Variants in MTREX observed in about 807,000 individuals in gnomAD.
The protein encoded by MTREX is Mtr4 exosome RNA helicase, also known as exosome RNA helicase MTR4.
MTREX carries 76 observed loss-of-function variants against 135.4 expected under a neutral mutation model. The ratio of observed to expected loss-of-function variants is 0.56; its 90% CI spans 0.47 to 0.68. The LOEUF (loss-of-function observed/expected upper bound fraction) is 0.68, where lower values mean the gene tolerates loss of function less well. MTREX is among the 30% of genes least tolerant of loss of function. The probability of loss-of-function intolerance (pLI) is 0.00; values close to 1 mark genes in which losing one functional copy is unlikely to be tolerated. For missense variants in MTREX, 920 were observed against 1,262.1 expected (o/e 0.73, Z 4.11); for synonymous variants, 404 against 401.6 (o/e 1.01, Z -0.07).
intron 5 of MTREX, among the ~76,000 whole-genome samples, chr5:55,335,053 A>G (rs1279787253): frequency 6.6e-6 from 1 of 151,964 alleles, no homozygotes; most frequent in East Asian, 1.9e-4. Flanking sequence ...GATGTCCCAA[A>G]GTAGTTTTAA....
intron 20 of MTREX, among the ~76,000 whole-genome samples, chr5:55,397,960 C>G (rs1459579925): frequency 6.6e-6 from 1 of 152,078 alleles, no homozygotes; most frequent in African/African-American, 2.4e-5. Context: ...GTGGTTCATG[C>G]CTGTAATCCC....
At chr5:55,315,534 GAGAC>G (rs1173733515) in intron 1 of MTREX, among the ~76,000 whole-genome samples, 2 of 151,538 alleles carry the variant, frequency 1.3e-5, no homozygotes, top group Non-Finnish European at 2.9e-5. Context: ...TATATTTTTC[GAGAC>G]AGACAACAAC....
rs536852488 is a variant in MTREX, at chr5:55,388,803, G to C, written c.2181+701G>C. Among the ~76,000 whole-genome samples the C allele has an allele frequency of 3.9e-5, 6 of 152,226 alleles. No homozygotes were observed. The South Asian group carries it at 6.2e-4, about 16-fold the overall frequency. ...TTAACAATGAAAAATTTCTACCCAAGTTTCCTTAGTTAAAATCATTTAATT... is the reference window on the plus strand; with the variant it reads ...TTAACAATGAAAAATTTCTACCCAACTTTCCTTAGTTAAAATCATTTAATT... On this transcript the variant is annotated intron_variant, in intron 19 of 26. Coordinates refer to ENST00000230640, the MANE Select transcript of MTREX (RefSeq NM_015360.5).
chr5:55,414,284 G>A (rs761349077), intron 24 of MTREX, 46 bp downstream of exon 24: 1 of 1,322,310 alleles, frequency 7.6e-7, no homozygotes, highest in Non-Finnish European at 1.0e-6. Context: ...TTTATGAATA[G>A]TAGATTGTAA....
At chr5:55,316,795 A>AAAAG (rs369253625) in intron 1 of MTREX, among the ~76,000 whole-genome samples, 3 of 152,082 alleles carry the variant, frequency 2.0e-5, no homozygotes, top group Admixed American at 6.5e-5. Flanking sequence ...GCAGTTAGGC[A>AAAAG]AAAGAAAGAA....
intron 10 of MTREX, among the ~76,000 whole-genome samples, chr5:55,346,314 A>G (rs991298089): frequency 2.0e-4 from 31 of 152,128 alleles, no homozygotes; most frequent in African/African-American, 7.5e-4. Context: ...CATTTTCTCT[A>G]TATCCTTTGT....
intron 1 of MTREX, among the ~76,000 whole-genome samples, chr5:55,320,643 G>T (rs571210977): frequency 4.3e-4 from 54 of 126,834 alleles, no homozygotes; most frequent in African/African-American, 1.8e-3. Flanking sequence ...ACCCCTCTGT[G>T]TCCCTTAGAA....
At chr5:55,349,481 G>A (rs190025912) in intron 11 of MTREX, 92 bp from the exon 12 acceptor site, 93 of 750,154 alleles carry the variant, frequency 1.2e-4, no homozygotes, top group South Asian at 1.1e-3. Context: ...GGGACACCAC[G>A]CCTGGCCTTT....
intron 1 of MTREX, among the ~76,000 whole-genome samples, chr5:55,312,981 G>A (rs1749138394): frequency 6.6e-6 from 1 of 152,246 alleles, no homozygotes; most frequent in South Asian, 2.1e-4. Context: ...AATGCTACTG[G>A]ATTTCATTGC....
intron 1 of MTREX, among the ~76,000 whole-genome samples, chr5:55,316,840 A>G (rs912929044): frequency 6.6e-6 from 1 of 152,206 alleles, no homozygotes; most frequent in East Asian, 1.9e-4. Flanking sequence ...GAGGAAGTCA[A>G]ACTGTTTGCA....
At chr5:55,342,433 G>A (rs1314403848) in intron 7 of MTREX, among the ~76,000 whole-genome samples, 1 of 152,146 alleles carries the variant, frequency 6.6e-6, no homozygotes, top group Non-Finnish European at 1.5e-5. Flanking sequence ...ATTTAGTTCA[G>A]TAACTATGAA....
intron 5 of MTREX, among the ~76,000 whole-genome samples, chr5:55,335,602 G>T (rs1309530048): frequency 6.6e-6 from 1 of 152,042 alleles, no homozygotes; most frequent in East Asian, 1.9e-4. Context: ...CTCGTAAATT[G>T]TGTAGGATCG....
intron 13 of MTREX, among the ~76,000 whole-genome samples, chr5:55,351,287 C>A (rs1453020922): frequency 6.6e-6 from 1 of 152,090 alleles, no homozygotes; most frequent in Non-Finnish European, 1.5e-5. Flanking sequence ...AATCCCAGCA[C>A]TTTGGTAGGC....
At chr5:55,397,316 C>T in intron 19 of MTREX, 100 bp from the exon 20 acceptor site, 2 of 636,602 alleles carry the variant, frequency 3.1e-6, no homozygotes, top group Non-Finnish European at 5.5e-6. Flanking sequence ...TGTTACATAC[C>T]ATAAATGCAA....
At chr5:55,335,187 C>T (rs896397132) in intron 5 of MTREX, among the ~76,000 whole-genome samples, 2 of 151,876 alleles carry the variant, frequency 1.3e-5, no homozygotes, top group African/African-American at 2.4e-5. Context: ...GTCTTAATTG[C>T]GTTGTAAGAA....
chr5:55,335,570 TGAA>T (rs1749540965), intron 5 of MTREX, among the ~76,000 whole-genome samples: 1 of 152,084 alleles, frequency 6.6e-6, no homozygotes, highest in African/African-American at 2.4e-5. Flanking sequence ...CTTTTCCCAT[TGAA>T]TTGAATTCCC....
At chr5:55,322,251 G>A in intron 1 of MTREX, 76 bp from the exon 2 acceptor site, 1 of 1,271,896 alleles carries the variant, frequency 7.9e-7, no homozygotes, top group East Asian at 2.4e-5. Flanking sequence ...TAATGGTATA[G>A]AGCAGTATTT....
At chr5:55,370,059 G>T (rs945957833) in intron 16 of MTREX, among the ~76,000 whole-genome samples, 1 of 151,982 alleles carries the variant, frequency 6.6e-6, no homozygotes, top group African/African-American at 2.4e-5. Flanking sequence ...AAGTAGCTGG[G>T]ATTACAGGCA....
intron 15 of MTREX, among the ~76,000 whole-genome samples, chr5:55,365,537 C>CT (rs1460687656): frequency 6.6e-5 from 10 of 152,112 alleles, no homozygotes; most frequent in Non-Finnish European, 1.3e-4. Flanking sequence ...CAGGAGTACT[C>CT]TAAGAGTATT....
Sources: gnomAD v4.1 joint callset for allele counts (sites outside exome capture counted in the v4.1 genomes callset) on GRCh38, gnomAD v4.1.1 for gene constraint, MANE v1.5 for transcripts, NCBI Gene and HGNC (gene_info 2026-07-23, HGNC 2026-07-21) for gene names.